Variants in MACROD2 observed in about 807,000 individuals in gnomAD.
MACROD2 encodes ADP-ribose glycohydrolase MACROD2.
In MACROD2, 36 loss-of-function variants were observed where a neutral mutation model predicts 70.4. That is an observed-to-expected ratio of 0.51 (90% CI 0.39 to 0.68). MACROD2 has a LOEUF of 0.68. Among genes scored for constraint, MACROD2 ranks in the 30% least tolerant of loss-of-function variants. MACROD2 has a pLI of 0.00. For missense variants in MACROD2, 496 were observed against 538.4 expected, an observed-to-expected ratio of 0.92 and a Z score of 0.78; for synonymous variants, 172 against 178.8, an observed-to-expected ratio of 0.96 and a Z score of 0.30.
At chr20:14,382,458 C>T (rs1037822270) in intron 3 of MACROD2, among the ~76,000 whole-genome samples, 1 of 151,654 alleles carries the variant, frequency 6.6e-6, no homozygotes, top group African/African-American at 2.4e-5. Context: ...CACCTGAGGT[C>T]GGGAGTTTGA....
intron 5 of MACROD2, among the ~76,000 whole-genome samples, chr20:15,149,377 T>A (rs530699615): frequency 1.2e-3 from 179 of 151,922 alleles, no homozygotes; most frequent in Non-Finnish European, 2.1e-3. Context: ...AAACCAAGTG[T>A]GATCAGGGTG....
At chr20:15,369,692 C>T (rs1042809723) in intron 6 of MACROD2, among the ~76,000 whole-genome samples, 2 of 151,966 alleles carry the variant, frequency 1.3e-5, no homozygotes, top group African/African-American at 4.8e-5. Flanking sequence ...ACAATATAAA[C>T]GGGACTTTTG....
chr20:15,946,425 C>T (rs1458884509), intron 12 of MACROD2, among the ~76,000 whole-genome samples: 1 of 152,068 alleles, frequency 6.6e-6, no homozygotes, highest in African/African-American at 2.4e-5. Context: ...ACAGATAATA[C>T]AGGTGAGGGG....
chr20:15,823,054 A>G (rs2063956953), intron 8 of MACROD2, among the ~76,000 whole-genome samples: 2 of 152,250 alleles, frequency 1.3e-5, no homozygotes, highest in Non-Finnish European at 2.9e-5. Context: ...CCCACAGACA[A>G]TCATTCCTCT....
At chr20:15,241,919 C>T (rs564445165) in intron 6 of MACROD2, among the ~76,000 whole-genome samples, 1 of 152,220 alleles carries the variant, frequency 6.6e-6, no homozygotes, top group Non-Finnish European at 1.5e-5. Context: ...CACAATAGAA[C>T]CAATTCTCCA....
intron 3 of MACROD2, among the ~76,000 whole-genome samples, chr20:14,226,586 G>A (rs1018342170): frequency 6.6e-6 from 1 of 152,184 alleles, no homozygotes. Flanking sequence ...TGGGCTTGGC[G>A]GGCCGCGCAC....
intron 3 of MACROD2, among the ~76,000 whole-genome samples, chr20:14,094,307 T>C (rs972286899): frequency 6.6e-6 from 1 of 152,202 alleles, no homozygotes; most frequent in Non-Finnish European, 1.5e-5. Context: ...TCGAAAAGCT[T>C]AAGTCTATTG....
chr20:14,737,669 C>T (rs1263959025), intron 5 of MACROD2, among the ~76,000 whole-genome samples: 1 of 152,180 alleles, frequency 6.6e-6, no homozygotes, highest in Non-Finnish European at 1.5e-5. Context: ...GATGGTGTCT[C>T]ATTGTGGTTT....
chr20:14,908,021 A>G lies in MACROD2; in HGVS notation c.418+223062A>G, dbSNP rs184241463. ...AAAAAGTCACTATGAGTCATTGACA[A>G]TTATTGAGCAGGGAAACCACATATT... On this transcript the variant is annotated intron_variant, in intron 5 of 17. Transcript: ENST00000684519. Among the ~76,000 whole-genome samples the G allele has an allele frequency of 9.8e-5, 15 of 152,310 alleles. No individual in the cohort carries two copies. The East Asian group carries it at 2.5e-3, about 26-fold the overall frequency.
chr20:14,520,497 T>TG lies in MACROD2; in HGVS notation c.301+26989_301+26990insG, dbSNP rs1322310431. Among the ~76,000 whole-genome samples, 255 of 152,038 alleles carry TG rather than the reference T, an allele frequency of 1.7e-3. 1 individual carries two copies. Among genetic ancestry groups the TG allele is most frequent in the African/African-American group, 5.8e-3 (241 of 41,530 alleles). ...TTGAGGTTTTTTTTGTTATTATTTT[T>TG]TTTTTTTCTGTTTCTACAGCTTCTT... On this transcript the variant is annotated intron_variant, in intron 4 of 17. Transcript: ENST00000684519.
At chr20:15,650,486 C>A (rs1278002712) in intron 8 of MACROD2, among the ~76,000 whole-genome samples, 1 of 152,238 alleles carries the variant, frequency 6.6e-6, no homozygotes, top group Non-Finnish European at 1.5e-5. Flanking sequence ...GGCAAACACA[C>A]ATACAGCAAA....
intron 3 of MACROD2, among the ~76,000 whole-genome samples, chr20:14,205,721 T>G (rs1217855935): frequency 1.3e-5 from 2 of 152,190 alleles, no homozygotes; most frequent in African/African-American, 2.4e-5. Flanking sequence ...CTCCTGTCTC[T>G]GTCACTACCA....
At chr20:15,376,162 G>A (rs6135401) in intron 6 of MACROD2, among the ~76,000 whole-genome samples, 1 of 152,142 alleles carries the variant, frequency 6.6e-6, no homozygotes, top group South Asian at 2.1e-4. Flanking sequence ...ACTTGCTTCA[G>A]TATTCTCCAC....
chr20:14,110,258 G>A (rs1485879888), intron 3 of MACROD2, among the ~76,000 whole-genome samples: 1 of 151,840 alleles, frequency 6.6e-6, no homozygotes, highest in East Asian at 1.9e-4. Flanking sequence ...GTATGACAGA[G>A]CCACAGCTGG....
intron 3 of MACROD2, among the ~76,000 whole-genome samples, chr20:14,143,128 A>G (rs1407052786): frequency 6.6e-6 from 1 of 152,206 alleles, no homozygotes; most frequent in Non-Finnish European, 1.5e-5. Context: ...AGCTTAAACA[A>G]ATAACCAAAA....
At chr20:15,439,192 T>A (rs1361773504) in intron 7 of MACROD2, among the ~76,000 whole-genome samples, 4 of 152,156 alleles carry the variant, frequency 2.6e-5, no homozygotes, top group African/African-American at 9.7e-5. Flanking sequence ...GGAGGCCCTG[T>A]TCTGACTTCT....
At chr20:14,226,723 C>T (rs947774547) in intron 3 of MACROD2, among the ~76,000 whole-genome samples, 1 of 152,236 alleles carries the variant, frequency 6.6e-6, no homozygotes, top group African/African-American at 2.4e-5. Context: ...GATTTCTCGC[C>T]GGGCCTTAGC....
At chr20:14,253,360 A>G (rs966555597) in intron 3 of MACROD2, among the ~76,000 whole-genome samples, 1 of 152,018 alleles carries the variant, frequency 6.6e-6, no homozygotes, top group African/African-American at 2.4e-5. Context: ...TTTAATGCTT[A>G]AAGTATGTTC....
chr20:14,977,206 C>G (rs1160581088), intron 5 of MACROD2, among the ~76,000 whole-genome samples: 1 of 151,872 alleles, frequency 6.6e-6, no homozygotes, highest in East Asian at 1.9e-4. Flanking sequence ...ATCATAATAA[C>G]CTTCCCTGCC....
Sources: gnomAD v4.1 joint callset for allele counts (sites outside exome capture counted in the v4.1 genomes callset) on GRCh38, gnomAD v4.1.1 for gene constraint, MANE v1.5 for transcripts, NCBI Gene and HGNC (gene_info 2026-07-23, HGNC 2026-07-21) for gene names.